SETX: variants seen among roughly 807,000 people sequenced by gnomAD.
The protein encoded by SETX is senataxin.
A neutral mutation model predicts 227.2 loss-of-function variants in SETX; 90 were observed. The observed-to-expected ratio is 0.40, with a 90% CI of 0.33 to 0.47. The LOEUF (loss-of-function observed/expected upper bound fraction) is 0.47, where lower values mean the gene tolerates loss of function less well. Among genes scored for constraint, SETX ranks in the 20% least tolerant of loss-of-function variants. The pLI is 0.91. For synonymous variants in SETX, 1,210 were observed against 1,113.2 expected (o/e 1.09, Z -1.73); for missense variants, 3,052 against 3,181.5 (o/e 0.96, Z 0.98).
Position 132,326,531 on chromosome 9 carries a change from G to A in SETX, c.5067C>T (p.Asn1689=), listed in dbSNP as rs1343350307. ...AGACAGACTGTGATGACAAAAGAAT[G>A]TTTACTGGAGAGGAAGATGGAAAAT... ...SKYFPSSSPV[N]ILLSSQSVSD... is the part of the protein sequence containing the mutation. Residue 1689 remains asparagine, a synonymous_variant, in exon 10 of 26, where the codon AAC becomes AAT. Transcript: ENST00000224140. The A allele has an allele frequency of 1.9e-6, 3 of 1,614,170 alleles. No individual in the cohort carries two copies. Among genetic ancestry groups the A allele is most frequent in the Admixed American group, 3.3e-5 (2 of 60,018 alleles).
intron 13 of SETX, among the ~76,000 whole-genome samples, chr9:132,297,602 G>T (rs1216393598): frequency 6.6e-6 from 1 of 152,208 alleles, no homozygotes; most frequent in Non-Finnish European, 1.5e-5. Flanking sequence ...GGTGAGAACA[G>T]ACTGAGATAA....
chr9:132,346,356 A>G lies in SETX; in HGVS notation c.293T>C (p.Leu98Pro), dbSNP rs759736109. The change falls in exon 4 of 26, where the codon CTG (leucine) becomes CCG (proline). Residue 98 changes from leucine to proline, a missense_variant. Coordinates refer to ENST00000224140, the MANE Select transcript of SETX (RefSeq NM_015046.7). ...YIVDNNGEMPLFDITGQDFEN... is the reference protein window; with the variant it reads ...YIVDNNGEMPPFDITGQDFEN... ...AAAGTCTTGCCCAGTGATGTCAAAC[A>G]GTGGCATCTCTCCATTATTGTCTAC... 10 of 1,613,670 alleles carry G rather than the reference A, an allele frequency of 6.2e-6. No individual in the cohort carries two copies. The highest frequency in any genetic ancestry group is 1.7e-5 in the Admixed American group (1 of 59,996).
intron 11 of SETX, among the ~76,000 whole-genome samples, chr9:132,310,112 TG>T (rs539198692): frequency 3.6e-4 from 55 of 152,218 alleles, no homozygotes; most frequent in African/African-American, 9.9e-4. Context: ...CCAAAAGCCT[TG>T]AACAGGCACT....
chr9:132,319,017 T>C (rs575438143), intron 10 of SETX, among the ~76,000 whole-genome samples: 50 of 152,326 alleles, frequency 3.3e-4, no homozygotes, highest in Admixed American at 1.8e-3. Flanking sequence ...GCTTCAGCAA[T>C]GTCACTCCCA....
chr9:132,271,517 A>G (rs1842902684), intron 24 of SETX, among the ~76,000 whole-genome samples, 193 bp downstream of exon 24: 1 of 152,196 alleles, frequency 6.6e-6, no homozygotes, highest in South Asian at 2.1e-4. Flanking sequence ...GTGGGCCAAG[A>G]TTGCACCAAG....
At chr9:132,331,735 A>T (rs933294006) in intron 7 of SETX, among the ~76,000 whole-genome samples, 1 of 152,188 alleles carries the variant, frequency 6.6e-6, no homozygotes, top group African/African-American at 2.4e-5. Flanking sequence ...AGTCTAGGTA[A>T]GCACAATCTT....
chr9:132,327,816 C>G lies in SETX; in HGVS notation c.3782G>C (p.Ser1261Thr). 1 of 1,614,148 alleles carries G rather than the reference C, an allele frequency of 6.2e-7. No homozygotes were observed. Among genetic ancestry groups the G allele is most frequent in the Non-Finnish European group, 8.5e-7 (1 of 1,180,028 alleles). Reference protein sequence around the residue: ...KGQNRSSNYLSCRTTPAIVPP... With the variant: ...KGQNRSSNYLTCRTTPAIVPP... The stretch of plus-strand genomic sequence containing the variant: ...CACTATAGCAGGAGTTGTTCTACAA[C>G]TTAGGTAATTTGAACTTCTATTCTG... Residue 1261 changes from serine to threonine, a missense_variant, in exon 10 of 26, where the codon AGT becomes ACT. Physicochemically the swap from Ser to Thr is moderately conservative, Grantham distance 58 (BLOSUM62 1). Transcript: ENST00000224140.
intron 2 of SETX, among the ~76,000 whole-genome samples, chr9:132,352,193 G>A (rs1342686783): frequency 6.6e-6 from 1 of 152,038 alleles, no homozygotes; most frequent in African/African-American, 2.4e-5. Context: ...AATCCAATAG[G>A]TTCCTGACCT....
At chr9:132,272,258 T>G (rs1271357090) in intron 23 of SETX, among the ~76,000 whole-genome samples, 1 of 152,108 alleles carries the variant, frequency 6.6e-6, no homozygotes, top group Non-Finnish European at 1.5e-5. Context: ...CTTGAACACC[T>G]GAGCTCCGTC....
chr9:132,326,748 GA>G lies in SETX; in HGVS notation c.4849del (p.Ser1617LeufsTer8). 6.2e-7 allele frequency: 1 copy of G among 1,614,210 alleles called. No homozygotes were observed. Reference sequence around the variant, plus strand: ...TTTTAGAGACGGTGAAAGTGCTGAAGAAGTTTCCAAAGATTTAGAAAGACCA... The same window carrying G: ...TTTTAGAGACGGTGAAAGTGCTGAAGAGTTTCCAAAGATTTAGAAAGACCA... ...IAGLSKSLET[S>X]SALSPSLKNK... On this transcript the variant is annotated frameshift_variant, in exon 10 of 26. Coordinates refer to ENST00000224140, the MANE Select transcript of SETX (RefSeq NM_015046.7). LOFTEE classifies it high-confidence loss of function.
chr9:132,308,345 G>A (rs1019213025), intron 11 of SETX, among the ~76,000 whole-genome samples: 2 of 152,136 alleles, frequency 1.3e-5, no homozygotes, highest in African/African-American at 4.8e-5. Flanking sequence ...AGAGGACAGA[G>A]ACACATTCTA....
chr9:132,266,110 AG>A (rs1237408025), intron 25 of SETX: 8 of 152,278 alleles, frequency 5.3e-5, no homozygotes, highest in African/African-American at 1.9e-4. Flanking sequence ...AAAGAAAAGA[AG>A]AAAAAGGATA....
At chr9:132,309,519 A>G (rs1331239672) in intron 11 of SETX, among the ~76,000 whole-genome samples, 1 of 152,142 alleles carries the variant, frequency 6.6e-6, no homozygotes, top group Non-Finnish European at 1.5e-5. Context: ...TGCCTGTTAC[A>G]TACTCTTTTT....
At chr9:132,335,324 G>C (rs559296183) in intron 6 of SETX, among the ~76,000 whole-genome samples, 1 of 146,674 alleles carries the variant, frequency 6.8e-6, no homozygotes, top group African/African-American at 2.5e-5. Flanking sequence ...CCAGGAGGCG[G>C]ATCTTGCAGT....
At chr9:132,302,680 GCAA>G (rs1564510235) in intron 11 of SETX, among the ~76,000 whole-genome samples, 49 of 36,148 alleles carry the variant, frequency 1.4e-3, no homozygotes, top group East Asian at 8.7e-3. Flanking sequence ...AAAAAAAAAA[GCAA>G]AAAAAAAAAA....
At position 132,264,024 on chromosome 9, in the gene SETX, C is replaced by T; in HGVS notation, c.*215G>A. ...CATTTCCAGTCTCTGACTTCAAGGA[C>T]ATTATTACGGATACACAATGCCCTC... On this transcript the variant is annotated 3_prime_UTR_variant, in exon 26 of 26. Transcript: ENST00000224140. 1 of 618,138 alleles carries T rather than the reference C, an allele frequency of 1.6e-6. No homozygotes were observed. The allele number at this position is 618,138 out of a possible 1,614,324, so 38.3% of individuals were successfully genotyped here.
intron 11 of SETX, among the ~76,000 whole-genome samples, chr9:132,306,011 G>A (rs1050867663): frequency 6.6e-6 from 1 of 152,082 alleles, no homozygotes; most frequent in Admixed American, 6.6e-5. Flanking sequence ...TGAAAAATCT[G>A]CAATTATTTC....
intron 10 of SETX, among the ~76,000 whole-genome samples, chr9:132,312,636 A>C (rs908811530): frequency 1.3e-5 from 2 of 152,178 alleles, no homozygotes; most frequent in African/African-American, 4.8e-5. Flanking sequence ...AGACTCCACA[A>C]GGGTTATGCT....
At chr9:132,339,500 C>T (rs1320232043) in intron 5 of SETX, among the ~76,000 whole-genome samples, 1 of 152,204 alleles carries the variant, frequency 6.6e-6, no homozygotes, top group Non-Finnish European at 1.5e-5. Flanking sequence ...AAATGCTGTA[C>T]ACCTCTATTT....
Sources: allele counts gnomAD v4.1 joint callset (sites outside exome capture counted in the v4.1 genomes callset), GRCh38; gene constraint gnomAD v4.1.1; transcripts MANE v1.5; gene names NCBI Gene and HGNC (gene_info 2026-07-23, HGNC 2026-07-21).